The following SLC12A3 variants were observed in gnomAD, a reference collection of about 807,000 sequenced individuals.
The protein encoded by SLC12A3 is solute carrier family 12 member 3, also known as Na-Cl cotransporter.
In SLC12A3, 104 loss-of-function variants were observed where a neutral mutation model predicts 121.0. That is an observed-to-expected ratio of 0.86 (90% CI 0.73 to 1.01). The LOEUF (loss-of-function observed/expected upper bound fraction) is 1.01. Ranked by LOEUF, SLC12A3 falls within the 50% of genes least tolerant of loss-of-function variation. The pLI is 0.00. For synonymous variants in SLC12A3, 536 were observed against 533.4 expected, an observed-to-expected ratio of 1.00 and a Z score of -0.07; for missense variants, 1,328 against 1,356.3, an observed-to-expected ratio of 0.98 and a Z score of 0.33.
At chr16:56,911,427 C>G (rs1477925003) in intron 25 of SLC12A3, among the ~76,000 whole-genome samples, 2 of 151,806 alleles carry the variant, frequency 1.3e-5, no homozygotes, top group African/African-American at 4.9e-5. Context: ...CAGGCTCAAA[C>G]GATCCTCCCG....
intron 25 of SLC12A3, among the ~76,000 whole-genome samples, chr16:56,905,823 G>A (rs764297180): frequency 2.0e-5 from 3 of 152,154 alleles, no homozygotes; most frequent in Non-Finnish European, 2.9e-5. Flanking sequence ...ATCATAGTTT[G>A]ATCATTGATG....
chr16:56,889,435 A>C (rs1868877730), intron 18 of SLC12A3, among the ~76,000 whole-genome samples: 1 of 152,284 alleles, frequency 6.6e-6, no homozygotes, highest in East Asian at 1.9e-4. Context: ...CAGGCAGTAC[A>C]TACACCTTTG....
intron 20 of SLC12A3, 175 bp downstream of exon 20, chr16:56,892,308 C>G (rs975401047): frequency 1.5e-6 from 1 of 662,024 alleles, no homozygotes; most frequent in Non-Finnish European, 2.7e-6. Context: ...GGGGCTTGGC[C>G]GTGTCAAAGA....
At chr16:56,896,149 G>A (rs561599495) in intron 22 of SLC12A3, among the ~76,000 whole-genome samples, 1 of 152,362 alleles carries the variant, frequency 6.6e-6, no homozygotes, top group Admixed American at 6.5e-5. Flanking sequence ...CAGACTCTGG[G>A]TGAGACAAGA....
rs1309396807 is a variant in SLC12A3, at chr16:56,887,084, C to A, written c.2169C>A (p.Ile723=). 5 of 1,613,846 alleles carry A rather than the reference C, an allele frequency of 3.1e-6. No homozygotes were observed. In the African/African-American group the frequency reaches 5.3e-5, roughly 17 times the overall value. ...AGGACCTCCGCAGAGGCGTCCAGAT[C>A]CTCATGCAGGTGCCATGGACTGGGG... The part of the protein sequence containing the change: ...IAEDLRRGVQ[I]LMQAAGLGRM... Residue 723 remains isoleucine, a synonymous_variant, in exon 17 of 26, where the codon ATC becomes ATA. Coordinates refer to ENST00000563236, the MANE Select transcript of SLC12A3 (RefSeq NM_001126108.2).
chr16:56,869,645 C>T (rs547722479), intron 3 of SLC12A3, 84 bp from the exon 4 acceptor site: 28 of 1,053,610 alleles, frequency 2.7e-5, no homozygotes, highest in Middle Eastern at 2.0e-4. Context: ...GGGAGATGAA[C>T]GTAGGTCGCA....
chr16:56,865,921 G>C (rs1253547597), intron 1 of SLC12A3, among the ~76,000 whole-genome samples: 1 of 152,054 alleles, frequency 6.6e-6, no homozygotes, highest in Non-Finnish European at 1.5e-5. Flanking sequence ...CATGACCCCT[G>C]TCTGGCCTCA....
chr16:56,869,140 G>A (rs1375100651), intron 3 of SLC12A3, among the ~76,000 whole-genome samples: 3 of 152,126 alleles, frequency 2.0e-5, no homozygotes, highest in Non-Finnish European at 2.9e-5. Flanking sequence ...TCATGGAACC[G>A]TTGTGGCTTT....
chr16:56,912,811 A>C (rs1244807336), intron 25 of SLC12A3, among the ~76,000 whole-genome samples: 2 of 152,076 alleles, frequency 1.3e-5, no homozygotes, highest in Non-Finnish European at 2.9e-5. Context: ...CCTGCCCTGG[A>C]GGAGTGATCA....
At chr16:56,886,533 C>A in intron 16 of SLC12A3, 58 bp downstream of exon 16, 3 of 1,466,278 alleles carry the variant, frequency 2.0e-6, no homozygotes, top group Non-Finnish European at 2.9e-6. Context: ...GCCTGTAAAC[C>A]CAGCACTCTG....
rs34287902 is a variant in SLC12A3, at chr16:56,904,207, T to C, written c.2857-188T>C. 2.5e-3 allele frequency: 1,493 copies of C among 602,676 alleles called. 17 individuals carry two copies. The highest frequency in any genetic ancestry group is 0.024 in the African/African-American group (1,321 of 54,950). The allele number at this position is 602,676 out of a possible 1,614,324, so 37.3% of individuals were successfully genotyped here. ...GAATGCTTCTTGGAGGAGGTGAGCT[T>C]GGTGCTCCATTACTCTGAGGGTCCC... is the stretch of plus-strand genomic sequence containing the variant. On this transcript the variant is annotated intron_variant, in intron 24 of 25. Transcript: ENST00000563236.
intron 13 of SLC12A3, 120 bp from the exon 14 acceptor site, chr16:56,883,929 A>C: frequency 9.2e-7 from 1 of 1,091,570 alleles, no homozygotes; most frequent in Non-Finnish European, 1.4e-6. Context: ...GCTGGTGGGT[A>C]CAGGCTGGGA....
intron 12 of SLC12A3, among the ~76,000 whole-genome samples, chr16:56,881,430 G>A (rs2055238353): frequency 6.7e-6 from 1 of 149,240 alleles, no homozygotes; most frequent in South Asian, 2.1e-4. Flanking sequence ...ATGCAGATTC[G>A]ATGTCCTTTC....
intron 6 of SLC12A3, among the ~76,000 whole-genome samples, chr16:56,870,986 C>T (rs2055088976): frequency 6.6e-6 from 1 of 152,144 alleles, no homozygotes; most frequent in Non-Finnish European, 1.5e-5. Context: ...AGGCACCTGC[C>T]ACCACACCTG....
At chr16:56,893,115 C>T in intron 21 of SLC12A3, 61 bp downstream of exon 21, 3 of 1,300,004 alleles carry the variant, frequency 2.3e-6, no homozygotes, top group Non-Finnish European at 3.3e-6. Context: ...GGTGGTCTTC[C>T]TTCCTTCTCC....
At position 56,888,029 on chromosome 16, in the gene SLC12A3, C is replaced by T. The variant is rs763147092; in HGVS notation, c.2283C>T (p.Leu761=). 11 of 1,607,504 alleles carry T rather than the reference C, an allele frequency of 6.8e-6. No homozygotes were observed. In the South Asian group the frequency reaches 7.7e-5, roughly 11 times the overall value. The change falls in exon 18 of 26, where the codon CTC becomes CTT. Residue 761 remains leucine, a splice_region_variant and synonymous_variant. Coordinates refer to ENST00000563236, the MANE Select transcript of SLC12A3 (RefSeq NM_001126108.2). ...PATVEDYIGI[L]HDAFDFNYGV... Reference sequence around the variant, plus strand: ...CAGTGGAAGACTACATTGGCATCCTCCAGTGAGTCGGGGGAGAGGAAGGGG... The same window carrying T: ...CAGTGGAAGACTACATTGGCATCCTTCAGTGAGTCGGGGGAGAGGAAGGGG...
At chr16:56,873,382 T>C (rs944540152) in intron 8 of SLC12A3, among the ~76,000 whole-genome samples, 42 of 117,584 alleles carry the variant, frequency 3.6e-4, no homozygotes, top group Admixed American at 6.8e-4. Context: ...TTCTTTTTTT[T>C]TTTTTTTTTT....
chr16:56,876,401 C>T (rs2055164433), intron 8 of SLC12A3, among the ~76,000 whole-genome samples: 2 of 152,316 alleles, frequency 1.3e-5, no homozygotes, highest in South Asian at 4.1e-4. Context: ...GGCTTTGGGG[C>T]TGGGGACCCC....
intron 6 of SLC12A3, 25 bp downstream of exon 6, chr16:56,870,761 A>T: frequency 6.9e-7 from 1 of 1,447,696 alleles, no homozygotes; most frequent in Non-Finnish European, 9.7e-7. Flanking sequence ...GAGGAGGGGG[A>T]CATGGAGGTG....
Sources: allele counts gnomAD v4.1 joint callset (sites outside exome capture counted in the v4.1 genomes callset), GRCh38; gene constraint gnomAD v4.1.1; transcripts MANE v1.5; gene names NCBI Gene and HGNC (gene_info 2026-07-23, HGNC 2026-07-21).